CSMD1: variants seen among roughly 807,000 people sequenced by gnomAD.
CSMD1 encodes CUB and Sushi multiple domains 1, also known as CUB and sushi domain-containing protein 1.
In CSMD1, 213 loss-of-function variants were observed where a neutral mutation model predicts 417.5. The observed-to-expected ratio is 0.51, with a 90% confidence interval of 0.46 to 0.57. The LOEUF (loss-of-function observed/expected upper bound fraction) is 0.57, where lower values mean the gene tolerates loss of function less well. CSMD1 is among the 20% of genes least tolerant of loss of function. The probability of loss-of-function intolerance (pLI) is 0.00; values close to 1 mark genes in which losing one functional copy is unlikely to be tolerated. For synonymous variants in CSMD1, 2,862 were observed against 1,736.8 expected, an observed-to-expected ratio of 1.65 and a Z score of -16.11; for missense variants, 6,923 against 4,529.7, an observed-to-expected ratio of 1.53 and a Z score of -15.17.
intron 1 of CSMD1, among the ~76,000 whole-genome samples, chr8:4,765,973 G>C (rs564755878): frequency 2.0e-5 from 3 of 151,988 alleles, no homozygotes; most frequent in Admixed American, 6.5e-5. Flanking sequence ...TTTATGTAAA[G>C]ATTAAAAAAT....
intron 3 of CSMD1, among the ~76,000 whole-genome samples, chr8:4,412,981 T>C (rs538722919): frequency 6.6e-6 from 1 of 152,336 alleles, no homozygotes; most frequent in Admixed American, 6.5e-5. Context: ...GCCATCTTTA[T>C]CTTTTCAGTA....
In CSMD1 at chr8:4,601,753, T is replaced by C. The variant is rs1047902954; in HGVS notation, c.302+35589A>G. Among the ~76,000 whole-genome samples, 9 of 152,120 alleles carry C rather than the reference T, an allele frequency of 5.9e-5. No homozygotes were observed. The South Asian group carries it at 1.4e-3, about 25-fold the overall frequency. ...GTGCTTCCCTGTAGCTGGAGAAAAA[T>C]ATATTTGCCCCATTAACTTTGACCA... On this transcript the variant is annotated intron_variant, in intron 2 of 69. Transcript: ENST00000635120.
At chr8:4,590,876 G>C (rs1799948966) in intron 2 of CSMD1, among the ~76,000 whole-genome samples, 1 of 152,138 alleles carries the variant, frequency 6.6e-6, no homozygotes, top group African/African-American at 2.4e-5. Context: ...ATCTTTACTT[G>C]GCAGAACTCA....
intron 3 of CSMD1, among the ~76,000 whole-genome samples, chr8:4,120,918 C>T (rs1167158836): frequency 1.3e-5 from 2 of 151,992 alleles, no homozygotes; most frequent in East Asian, 3.9e-4. Context: ...GAATTCTGTT[C>T]CTATGTGCCT....
intron 5 of CSMD1, among the ~76,000 whole-genome samples, chr8:3,899,090 T>C (rs539537607): frequency 3.3e-5 from 5 of 152,108 alleles, no homozygotes; most frequent in Non-Finnish European, 5.9e-5. Context: ...GAAGGGTTCA[T>C]CTCTAGTTTT....
intron 2 of CSMD1, among the ~76,000 whole-genome samples, chr8:4,429,147 G>A (rs1488473425): frequency 1.3e-5 from 2 of 150,228 alleles, no homozygotes; most frequent in South Asian, 2.1e-4. Context: ...ATATATAATT[G>A]GATTATTATA....
intron 1 of CSMD1, among the ~76,000 whole-genome samples, chr8:4,739,182 G>A (rs143151466): frequency 9.3e-4 from 141 of 152,152 alleles, no homozygotes; most frequent in East Asian, 4.8e-3. Context: ...TTTAGATCCC[G>A]TGTATTTGTT....
chr8:4,421,938 C>A (rs1797272258), intron 2 of CSMD1, among the ~76,000 whole-genome samples: 1 of 151,852 alleles, frequency 6.6e-6, no homozygotes, highest in Non-Finnish European at 1.5e-5. Context: ...TCAGAAGGTA[C>A]AAAGAGTCAC....
chr8:3,650,229 G>C (rs1157192070), intron 7 of CSMD1, among the ~76,000 whole-genome samples: 1 of 151,648 alleles, frequency 6.6e-6, no homozygotes, highest in Admixed American at 6.6e-5. Context: ...AATGACCTGA[G>C]ATTGCTTCAT....
intron 14 of CSMD1, among the ~76,000 whole-genome samples, chr8:3,407,613 G>A (rs1396892717): frequency 1.3e-5 from 2 of 152,120 alleles, no homozygotes; most frequent in African/African-American, 4.8e-5. Flanking sequence ...ATGAATGGAT[G>A]GATGGATAAA....
rs1166092263 is a variant in CSMD1 at position 3,926,100 on chromosome 8, C to CCAT, written c.818+71802_818+71803insATG. ...AACACCATACACACACACACACACACACACACACACACACACACACACACA... is the reference window on the plus strand; with the variant it reads ...AACACCATACACACACACACACACACCATACACACACACACACACACACACACA... On this transcript the variant is annotated intron_variant, in intron 5 of 69. Coordinates refer to ENST00000635120, the MANE Select transcript of CSMD1 (RefSeq NM_033225.6). Among the ~76,000 whole-genome samples the CCAT allele has an allele frequency of 2.0e-4, 15 of 75,288 alleles. 1 individual carries two copies. The highest frequency in any genetic ancestry group is 1.6e-4 in the Non-Finnish European group (6 of 38,334). The allele number at this position is 75,288 out of a possible 152,430, so 49.4% of individuals were successfully genotyped here.
chr8:4,735,165 C>T (rs986680241), intron 1 of CSMD1, among the ~76,000 whole-genome samples: 1 of 152,106 alleles, frequency 6.6e-6, no homozygotes, highest in Non-Finnish European at 1.5e-5. Flanking sequence ...GGTAATGCTC[C>T]CTCACCAATG....
chr8:3,897,317 A>G, intron 5 of CSMD1, among the ~76,000 whole-genome samples: 1 of 152,212 alleles, frequency 6.6e-6, no homozygotes, highest in East Asian at 1.9e-4. Context: ...GAGCAGTCAA[A>G]TACTTGGGTC....
rs557883216 is a variant in CSMD1, at chr8:3,515,054, C to T, written c.1345-21328G>A. On this transcript the variant is annotated intron_variant, in intron 10 of 69. Coordinates refer to ENST00000635120, the MANE Select transcript of CSMD1 (RefSeq NM_033225.6). ...ATAATCCATCGACTATATTCGACAT[C>T]TAACTTTTCAAAATAATAATACAGT... 2.0e-5 allele frequency among the ~76,000 whole-genome samples: 3 copies of T among 152,250 alleles called. No individual in the cohort carries two copies. The South Asian group carries it at 6.2e-4, about 32-fold the overall frequency.
chr8:3,468,759 T>G lies in CSMD1; in HGVS notation c.1514A>C (p.Gln505Pro). The G allele has an allele frequency of 6.2e-7, 1 of 1,607,564 alleles. No individual in the cohort carries two copies. The highest frequency in any genetic ancestry group is 8.5e-7 in the Non-Finnish European group (1 of 1,177,140). ...AGGTGAGCCAATGCTATCATCCGAC[T>G]GCAGATGTAGCCACATCTGGTTGCT... ...SMSNQMWLHL[Q>P]SDDSIGSPGF... is the part of the protein sequence containing the mutation. The change falls in exon 12 of 70, where the codon CAG becomes CCG. Residue 505 changes from glutamine to proline, a missense_variant. Coordinates refer to ENST00000635120, the MANE Select transcript of CSMD1 (RefSeq NM_033225.6).
intron 3 of CSMD1, among the ~76,000 whole-genome samples, chr8:4,070,275 T>C (rs1254686164): frequency 6.6e-6 from 1 of 152,216 alleles, no homozygotes; most frequent in South Asian, 2.1e-4. Flanking sequence ...CTCTAAAACA[T>C]AATGTTGTTA....
intron 3 of CSMD1, among the ~76,000 whole-genome samples, chr8:4,365,079 G>A (rs569601152): frequency 2.6e-5 from 4 of 152,146 alleles, no homozygotes; most frequent in African/African-American, 7.2e-5. Context: ...CAGTTGTAAT[G>A]GCAAGTTTAC....
At chr8:3,013,773 A>T (rs555550871) in intron 52 of CSMD1, among the ~76,000 whole-genome samples, 1 of 152,016 alleles carries the variant, frequency 6.6e-6, no homozygotes, top group South Asian at 2.1e-4. Flanking sequence ...AATTCCAAAC[A>T]GTCCTCAAAG....
intron 5 of CSMD1, among the ~76,000 whole-genome samples, chr8:3,775,044 A>T (rs1411281385): frequency 1.3e-5 from 2 of 152,150 alleles, no homozygotes; most frequent in Non-Finnish European, 1.5e-5. Context: ...CATGTTACTC[A>T]GAATAGCATA....
Sources: gnomAD v4.1 joint callset for allele counts (sites outside exome capture counted in the v4.1 genomes callset) on GRCh38, gnomAD v4.1.1 for gene constraint, MANE v1.5 for transcripts, NCBI Gene and HGNC (gene_info 2026-07-23, HGNC 2026-07-21) for gene names.